DLEU7: variants seen among roughly 807,000 people sequenced by gnomAD.
DLEU7 encodes the protein deleted in lymphocytic leukemia 7.
DLEU7 carries 17 observed loss-of-function variants against 16.0 expected under a neutral mutation model. The observed-to-expected ratio is 1.06, with a 90% CI of 0.73 to 1.59. The LOEUF is 1.59. Ranked by LOEUF, DLEU7 falls within the 40% of genes most tolerant of loss-of-function variation. DLEU7 has a pLI of 0.00. For missense variants in DLEU7, 308 were observed against 314.9 expected (o/e 0.98, Z 0.17); for synonymous variants, 113 against 139.8 (o/e 0.81, Z 1.35).
chr13:50,824,445 A>G (rs1341296331), intron 1 of DLEU7, among the ~76,000 whole-genome samples: 4 of 152,230 alleles, frequency 2.6e-5, no homozygotes, highest in Non-Finnish European at 4.4e-5. Context: ...TGAATTCCTA[A>G]AACTCTAAAT....
chr13:50,727,223 G>A (rs1232957521), intron 1 of DLEU7, among the ~76,000 whole-genome samples: 2 of 152,002 alleles, frequency 1.3e-5, no homozygotes, highest in Admixed American at 6.6e-5. Flanking sequence ...ACGTGTGTGT[G>A]TGTGTGTGTG....
At chr13:50,811,037 TG>T (rs1382659246) in intron 1 of DLEU7, among the ~76,000 whole-genome samples, 1 of 152,114 alleles carries the variant, frequency 6.6e-6, no homozygotes, top group Non-Finnish European at 1.5e-5. Flanking sequence ...TGTGTGTGCT[TG>T]TATGGGTATG....
chr13:50,772,569 T>C (rs1244698972), intron 1 of DLEU7, among the ~76,000 whole-genome samples: 2 of 152,228 alleles, frequency 1.3e-5, no homozygotes, highest in Non-Finnish European at 1.5e-5. Context: ...AATATTTTTT[T>C]CTTTAATAAT....
intron 1 of DLEU7, among the ~76,000 whole-genome samples, chr13:50,799,979 G>C (rs963228425): frequency 2.6e-5 from 4 of 152,310 alleles, no homozygotes; most frequent in Admixed American, 2.0e-4. Flanking sequence ...AACTCTGGGG[G>C]TATGGAGAAG....
chr13:50,768,686 T>G (rs1233603920), intron 1 of DLEU7, among the ~76,000 whole-genome samples: 2 of 152,186 alleles, frequency 1.3e-5, no homozygotes, highest in South Asian at 2.1e-4. Flanking sequence ...GTCTATCATT[T>G]ATGGACATTT....
chr13:50,842,264 T>G (rs1877690322), intron 1 of DLEU7, among the ~76,000 whole-genome samples: 1 of 152,202 alleles, frequency 6.6e-6, no homozygotes, highest in Non-Finnish European at 1.5e-5. Flanking sequence ...TTGTACAGAA[T>G]AGCAACTCTT....
At chr13:50,790,478 AC>A (rs1413544461) in intron 1 of DLEU7, among the ~76,000 whole-genome samples, 1 of 119,198 alleles carries the variant, frequency 8.4e-6, no homozygotes, top group Non-Finnish European at 1.9e-5. Flanking sequence ...GTTTAAGGAG[AC>A]CCCCGCTGCT....
At chr13:50,789,362 A>G (rs556294865) in intron 1 of DLEU7, among the ~76,000 whole-genome samples, 3 of 148,828 alleles carry the variant, frequency 2.0e-5, no homozygotes, top group Admixed American at 1.4e-4. Context: ...AGACCTACAC[A>G]ATGCAAACAT....
chr13:50,809,130 T>C (rs17074951), intron 1 of DLEU7, among the ~76,000 whole-genome samples: 25,414 of 152,100 alleles, frequency 0.17, 4,013 homozygotes, highest in African/African-American at 0.42. Flanking sequence ...TTATCTAAAG[T>C]TTGACAACCT....
intron 1 of DLEU7, among the ~76,000 whole-genome samples, chr13:50,802,370 A>G (rs1876276536): frequency 6.6e-6 from 1 of 152,164 alleles, no homozygotes. Context: ...GGTCAGAAAG[A>G]AAGAACTAAG....
chr13:50,717,005 A>G (rs539855479), intron 1 of DLEU7, among the ~76,000 whole-genome samples: 31 of 152,360 alleles, frequency 2.0e-4, no homozygotes, highest in Non-Finnish European at 3.8e-4. Context: ...CAATTCAATA[A>G]CTATTTGAGA....
intron 1 of DLEU7, among the ~76,000 whole-genome samples, chr13:50,728,855 A>G (rs1039390016): frequency 2.0e-5 from 3 of 152,096 alleles, no homozygotes; most frequent in African/African-American, 7.2e-5. Context: ...ACCTGTTCAT[A>G]TGCACATCAT....
chr13:50,737,397 G>C (rs1019011651), intron 1 of DLEU7, among the ~76,000 whole-genome samples: 1 of 151,946 alleles, frequency 6.6e-6, no homozygotes, highest in Non-Finnish European at 1.5e-5. Context: ...AGATATTAAG[G>C]GTTTTTCTTT....
At chr13:50,713,206 A>G (rs1438493732) in exon 2 of DLEU7, 2 of 1,610,952 alleles carry the variant, frequency 1.2e-6, no homozygotes, top group South Asian at 2.2e-5. Flanking sequence ...ACACTCCTAC[A>G]GTGACCTTCT....
chr13:50,728,567 G>A (rs940535815), intron 1 of DLEU7, among the ~76,000 whole-genome samples: 4 of 151,314 alleles, frequency 2.6e-5, no homozygotes, highest in East Asian at 1.9e-4. Context: ...TTTTTTCAGC[G>A]AGGTTAATAG....
At chr13:50,829,076 A>G (rs1214687526) in intron 1 of DLEU7, among the ~76,000 whole-genome samples, 1 of 152,074 alleles carries the variant, frequency 6.6e-6, no homozygotes, top group African/African-American at 2.4e-5. Context: ...TTTTTTTGTG[A>G]TTTTTAAAAA....
At chr13:50,741,622 C>A (rs954858851) in intron 1 of DLEU7, among the ~76,000 whole-genome samples, 1 of 152,140 alleles carries the variant, frequency 6.6e-6, no homozygotes, top group African/African-American at 2.4e-5. Flanking sequence ...GCCTGAAAGC[C>A]AAGACCGTAT....
At chr13:50,840,458 A>C (rs1423758464) in intron 1 of DLEU7, among the ~76,000 whole-genome samples, 1 of 152,238 alleles carries the variant, frequency 6.6e-6, no homozygotes, top group Admixed American at 6.5e-5. Context: ...CAAATCATGC[A>C]GAGAAACTGC....
At chr13:50,716,003 C>G (rs899820144) in intron 1 of DLEU7, among the ~76,000 whole-genome samples, 1 of 152,236 alleles carries the variant, frequency 6.6e-6, no homozygotes, top group African/African-American at 2.4e-5. Flanking sequence ...GCTGGGGACA[C>G]AGGAAGCTTT....
Sources: gnomAD v4.1 joint callset for allele counts (sites outside exome capture counted in the v4.1 genomes callset) on GRCh38, gnomAD v4.1.1 for gene constraint, MANE v1.5 for transcripts, NCBI Gene and HGNC (gene_info 2026-07-23, HGNC 2026-07-21) for gene names.